NPAS2: variants seen among roughly 807,000 people sequenced by gnomAD.
NPAS2 encodes neuronal PAS domain protein 2, also known as neuronal PAS domain-containing protein 2.
In NPAS2, 23 loss-of-function variants were observed where a neutral mutation model predicts 107.5. The ratio of observed to expected loss-of-function variants is 0.21; its 90% confidence interval spans 0.15 to 0.30. The LOEUF is 0.30. Among genes scored for constraint, NPAS2 ranks in the 10% least tolerant of loss-of-function variants. The pLI is 1.00. For synonymous variants in NPAS2, 403 were observed against 417.5 expected (o/e 0.97, Z 0.42); for missense variants, 756 against 1,043.3 (o/e 0.72, Z 3.79).
chr2:100,923,361 C>T (rs570010818), intron 2 of NPAS2, among the ~76,000 whole-genome samples: 6 of 152,122 alleles, frequency 3.9e-5, no homozygotes, highest in Admixed American at 2.0e-4. Flanking sequence ...GAGATAGGAC[C>T]GGTAAAAGAT....
chr2:100,992,530 T>C (rs1573817961), intron 19 of NPAS2, among the ~76,000 whole-genome samples: 1 of 143,156 alleles, frequency 7.0e-6, no homozygotes, highest in African/African-American at 2.5e-5. Flanking sequence ...TAGATCTGTT[T>C]GTTTAAAAGT....
chr2:100,844,353 C>T (rs1215311825), intron 1 of NPAS2, among the ~76,000 whole-genome samples: 1 of 152,118 alleles, frequency 6.6e-6, no homozygotes, highest in Admixed American at 6.5e-5. Flanking sequence ...GATAAATCTC[C>T]TTAACCATAT....
intron 1 of NPAS2, among the ~76,000 whole-genome samples, chr2:100,896,911 C>T (rs993307329): frequency 6.6e-6 from 1 of 152,098 alleles, no homozygotes; most frequent in African/African-American, 2.4e-5. Flanking sequence ...TTAGTCCATT[C>T]TCATGCTGCT....
At chr2:100,962,128 C>G (rs952689063) in intron 7 of NPAS2, among the ~76,000 whole-genome samples, 2 of 152,100 alleles carry the variant, frequency 1.3e-5, no homozygotes, top group Non-Finnish European at 2.9e-5. Context: ...ATAGCCTAAG[C>G]CAACTTGTGA....
intron 1 of NPAS2, among the ~76,000 whole-genome samples, chr2:100,839,585 CTG>C (rs1677269661): frequency 6.6e-6 from 1 of 152,078 alleles, no homozygotes; most frequent in African/African-American, 2.4e-5. Context: ...TGTTAATTGA[CTG>C]TTATCAGTAA....
chr2:100,836,277 TACC>T (rs1677054545), intron 1 of NPAS2, among the ~76,000 whole-genome samples: 1 of 152,192 alleles, frequency 6.6e-6, no homozygotes, highest in Admixed American at 6.5e-5. Flanking sequence ...CTTCGATGTG[TACC>T]ACCCCCATCC....
chr2:100,933,381 T>C (rs3754675), intron 4 of NPAS2, among the ~76,000 whole-genome samples: 18,144 of 152,262 alleles, frequency 0.12, 1,932 homozygotes, highest in East Asian at 0.34. Context: ...TAGACTGCTA[T>C]GATTATACAT....
intron 1 of NPAS2, among the ~76,000 whole-genome samples, chr2:100,855,183 G>C (rs968986234): frequency 1.5e-4 from 23 of 152,020 alleles, no homozygotes; most frequent in African/African-American, 5.3e-4. Context: ...TTTCTACCTT[G>C]GGGGTATTAA....
intron 2 of NPAS2, 50 bp downstream of exon 2, chr2:100,904,836 G>T: frequency 2.8e-6 from 4 of 1,405,212 alleles, no homozygotes; most frequent in Admixed American, 1.9e-5. Flanking sequence ...GCCCCCGGGG[G>T]TCTGCCTGGC....
chr2:100,886,242 A>C (rs1435867477), intron 1 of NPAS2, among the ~76,000 whole-genome samples: 2 of 152,178 alleles, frequency 1.3e-5, no homozygotes, highest in African/African-American at 4.8e-5. Flanking sequence ...GCACATTTAA[A>C]GTATGATTCA....
intron 1 of NPAS2, among the ~76,000 whole-genome samples, chr2:100,852,257 CG>C (rs1678239704): frequency 1.3e-5 from 2 of 151,916 alleles, no homozygotes; most frequent in Non-Finnish European, 2.9e-5. Context: ...ATTAGCCGGG[CG>C]TGGTGGTGGG....
In NPAS2 at chr2:100,988,088, C is replaced by T; in HGVS notation, c.1639C>T (p.Gln547Ter). 1 of 1,613,990 alleles carries T rather than the reference C, an allele frequency of 6.2e-7. No individual in the cohort carries two copies. The highest frequency in any genetic ancestry group is 8.5e-7 in the Non-Finnish European group (1 of 1,179,840). Residue 547 changes from glutamine (Q) to a stop codon, truncating the protein, a stop_gained, in exon 17 of 21, where the codon CAG (glutamine) becomes TAG (stop). Coordinates refer to ENST00000335681, the MANE Select transcript of NPAS2 (RefSeq NM_002518.4). LOFTEE classifies it high-confidence loss of function. Reference sequence around the variant, plus strand: ...TCTATTCTGCTCCCAGATGTTCCTGCAGCAGCCAGCTGTATCCCTGAGCTT... The same window carrying T: ...TCTATTCTGCTCCCAGATGTTCCTGTAGCAGCCAGCTGTATCCCTGAGCTT... ...VQDSNVQMFL[Q>*]QPAVSLSFSS... is the part of the protein sequence containing the mutation.
At chr2:100,842,083 A>ACGCG (rs113819399) in intron 1 of NPAS2, among the ~76,000 whole-genome samples, 5 of 41,498 alleles carry the variant, frequency 1.2e-4, no homozygotes, top group Admixed American at 4.3e-4. Context: ...ATGTACGCGC[A>ACGCG]CACACACACA....
At chr2:100,898,153 C>G (rs1681538629) in intron 1 of NPAS2, among the ~76,000 whole-genome samples, 1 of 152,020 alleles carries the variant, frequency 6.6e-6, no homozygotes, top group African/African-American at 2.4e-5. Flanking sequence ...ACCTTGAACT[C>G]CGGGCTCAAG....
intron 1 of NPAS2, among the ~76,000 whole-genome samples, chr2:100,863,933 T>G (rs1036818434): frequency 6.6e-6 from 1 of 152,176 alleles, no homozygotes; most frequent in African/African-American, 2.4e-5. Flanking sequence ...CACCTTAATT[T>G]GTCACGCTGC....
intron 3 of NPAS2, among the ~76,000 whole-genome samples, chr2:100,928,418 C>T (rs1025589055): frequency 6.6e-6 from 1 of 151,552 alleles, no homozygotes; most frequent in Non-Finnish European, 1.5e-5. Context: ...TTAAATAGGA[C>T]AGCTGGGATC....
chr2:100,913,976 T>A (rs930826251), intron 2 of NPAS2, among the ~76,000 whole-genome samples: 1 of 152,198 alleles, frequency 6.6e-6, no homozygotes, highest in African/African-American at 2.4e-5. Flanking sequence ...GCTACAGCCA[T>A]GCATCTTGGG....
At chr2:100,835,642 T>G (rs1441816615) in intron 1 of NPAS2, among the ~76,000 whole-genome samples, 1 of 152,198 alleles carries the variant, frequency 6.6e-6, no homozygotes, top group Non-Finnish European at 1.5e-5. Context: ...ATCAGGACAC[T>G]CATTATGTCT....
intron 7 of NPAS2, among the ~76,000 whole-genome samples, chr2:100,957,832 G>A (rs1675666547): frequency 6.6e-6 from 1 of 152,228 alleles, no homozygotes; most frequent in African/African-American, 2.4e-5. Context: ...GGAGACTGAG[G>A]CAGGAGAATG....
Sources: gnomAD v4.1 joint callset for allele counts (sites outside exome capture counted in the v4.1 genomes callset) on GRCh38, gnomAD v4.1.1 for gene constraint, MANE v1.5 for transcripts, NCBI Gene and HGNC (gene_info 2026-07-23, HGNC 2026-07-21) for gene names.